Variants in HDAC5 observed in about 807,000 individuals in gnomAD.
The protein encoded by HDAC5 is histone deacetylase 5.
HDAC5 carries 25 observed loss-of-function variants against 133.3 expected under a neutral mutation model. The observed-to-expected ratio is 0.19, with a 90% CI of 0.14 to 0.26. The LOEUF (loss-of-function observed/expected upper bound fraction) is 0.26, where lower values mean the gene tolerates loss of function less well. Ranked by LOEUF, HDAC5 falls within the 10% of genes least tolerant of loss-of-function variation. HDAC5 has a pLI of 1.00. For missense variants in HDAC5, 1,041 were observed against 1,460.5 expected (o/e 0.71, Z 4.68); for synonymous variants, 589 against 610.8 (o/e 0.96, Z 0.53).
At position 44,091,340 on chromosome 17, in the gene HDAC5, G is replaced by C; in HGVS notation, c.1317C>G (p.His439Gln). The C allele has an allele frequency of 6.2e-7, 1 of 1,608,242 alleles. No homozygotes were observed. The highest frequency in any genetic ancestry group is 8.5e-7 in the Non-Finnish European group (1 of 1,177,558). The stretch of plus-strand genomic sequence containing the variant: ...CATGCTGCAGCAGGGAGGCATGCCC[G>C]TGGGGGCTCCCGTCGCCCTCCAGTG... ...GVALEGDGSP[H>Q]GHASLLQHVL... Residue 439 changes from histidine (H) to glutamine (Q), a missense_variant, in exon 11 of 27, where the codon CAC becomes CAG. Transcript: ENST00000682912.
intron 1 of HDAC5, among the ~76,000 whole-genome samples, chr17:44,122,412 T>C (rs1477227926): frequency 1.3e-5 from 2 of 151,820 alleles, no homozygotes; most frequent in Non-Finnish European, 2.9e-5. Flanking sequence ...CCCCTCCCAG[T>C]TGGACACTGA....
chr17:44,123,103 C>T (rs1423286755), intron 1 of HDAC5, among the ~76,000 whole-genome samples: 1 of 152,110 alleles, frequency 6.6e-6, no homozygotes, highest in Non-Finnish European at 1.5e-5. Flanking sequence ...GGGTGTCCAG[C>T]GAAGAGGGGT....
chr17:44,097,770 C>T (rs1404284065), intron 3 of HDAC5, among the ~76,000 whole-genome samples: 5 of 152,266 alleles, frequency 3.3e-5, no homozygotes, highest in Non-Finnish European at 7.3e-5. Context: ...GCACTCCTGG[C>T]TCCCAGCAGA....
At chr17:44,107,385 G>A (rs1043493447) in intron 3 of HDAC5, among the ~76,000 whole-genome samples, 6 of 152,260 alleles carry the variant, frequency 3.9e-5, no homozygotes, top group East Asian at 3.9e-4. Flanking sequence ...TGAGGCAGGC[G>A]GATCACGAGG....
At chr17:44,106,895 C>CCT (rs1418186798) in intron 3 of HDAC5, among the ~76,000 whole-genome samples, 1 of 151,582 alleles carries the variant, frequency 6.6e-6, no homozygotes, top group Non-Finnish European at 1.5e-5. Flanking sequence ...TAGCAATGGT[C>CCT]CTACCCAGAC....
chr17:44,121,024 C>T (rs1171625692), intron 1 of HDAC5, among the ~76,000 whole-genome samples: 1 of 148,232 alleles, frequency 6.7e-6, no homozygotes, highest in Non-Finnish European at 1.5e-5. Flanking sequence ...TTTTTGCAAT[C>T]GGCCCATTTC....
chr17:44,123,334 A>C (rs2053128684), intron 1 of HDAC5, 170 bp downstream of exon 1: 1 of 330,308 alleles, frequency 3.0e-6, no homozygotes, highest in Admixed American at 4.9e-5. Flanking sequence ...CGGGCTGCCG[A>C]TGCTCCCGGG....
Position 44,080,745 on chromosome 17 carries a change from T to C in HDAC5, c.2727+18A>G. The C allele has an allele frequency of 1.2e-6, 2 of 1,614,162 alleles. No individual in the cohort carries two copies. The highest frequency in any genetic ancestry group is 8.5e-7 in the Non-Finnish European group (1 of 1,180,016). On this transcript the variant is annotated intron_variant, in intron 21 of 26. Coordinates refer to ENST00000682912, the MANE Select transcript of HDAC5 (RefSeq NM_005474.5). ...CAGAGGGGCCAGGAGGGTCTGCATTTACGCCCAGGAGCTGTACCTCTTCAG... is the reference window on the plus strand; with the variant it reads ...CAGAGGGGCCAGGAGGGTCTGCATTCACGCCCAGGAGCTGTACCTCTTCAG...
intron 6 of HDAC5, 135 bp downstream of exon 6, chr17:44,092,957 G>T: frequency 1.5e-6 from 1 of 669,720 alleles, no homozygotes; most frequent in Non-Finnish European, 2.6e-6. Context: ...ATAAACCAGG[G>T]ATGGGGGTCC....
In HDAC5 at chr17:44,091,681, G is replaced by GT; in HGVS notation, c.1164+18dup. ...ACCTCAACACCAGAGGGAAGATGGG[G>GT]TATATGCCCTGTACTTACAGTGAGG... is the stretch of plus-strand genomic sequence containing the variant. On this transcript the variant is annotated intron_variant, in intron 10 of 26. Coordinates refer to ENST00000682912, the MANE Select transcript of HDAC5 (RefSeq NM_005474.5). 6.5e-7 allele frequency: 1 copy of GT among 1,536,064 alleles called. No homozygotes were observed. The highest frequency in any genetic ancestry group is 8.8e-7 in the Non-Finnish European group (1 of 1,142,348).
intron 1 of HDAC5, among the ~76,000 whole-genome samples, chr17:44,119,726 G>A (rs749354425): frequency 5.3e-5 from 8 of 152,164 alleles, no homozygotes; most frequent in East Asian, 1.9e-4. Context: ...TGGTCTGATC[G>A]GGACAAGCAC....
At chr17:44,097,112 C>A (rs2051321159) in intron 3 of HDAC5, among the ~76,000 whole-genome samples, 1 of 152,242 alleles carries the variant, frequency 6.6e-6, no homozygotes, top group South Asian at 2.1e-4. Flanking sequence ...TTAGATGGGT[C>A]TGGATCTCTC....
intron 23 of HDAC5, among the ~76,000 whole-genome samples, chr17:44,079,639 CAAAAAAAAAAA>C (rs773678478): frequency 1.5e-5 from 1 of 66,020 alleles, no homozygotes; most frequent in Non-Finnish European, 2.5e-5. Context: ...GACTCCACCT[CAAAAAAAAAAA>C]AAAAAAAAAA....
chr17:44,122,838 G>A (rs985199473), intron 1 of HDAC5, among the ~76,000 whole-genome samples: 1 of 152,138 alleles, frequency 6.6e-6, no homozygotes, highest in African/African-American at 2.4e-5. Flanking sequence ...GAAGGGGTTG[G>A]GGGGGAGCTC....
chr17:44,094,213 C>T (rs182147798), intron 3 of HDAC5, among the ~76,000 whole-genome samples: 103 of 152,100 alleles, frequency 6.8e-4, no homozygotes, highest in Admixed American at 1.2e-3. Context: ...ATCCCAGCCA[C>T]TCAGATGGCT....
rs1006281770 is a variant in HDAC5, at chr17:44,078,537, G to A, written c.3292C>T (p.Gln1098Ter). The A allele has an allele frequency of 6.2e-7, 1 of 1,612,172 alleles. No homozygotes were observed. Residue 1098 changes from glutamine (Q) to a stop codon, truncating the protein, a stop_gained, in exon 26 of 27, where the codon CAG becomes TAG. Transcript: ENST00000682912. LOFTEE classifies it high-confidence loss of function. ...TCCCGGGCTGCCGCAGCCTGGGCCT[G>A]CTCGGCCCCCACCGACAGCAAGGCC... The part of the protein sequence containing the change: ...AMALLSVGAE[Q>*]AQAAAAREHS...
intron 3 of HDAC5, among the ~76,000 whole-genome samples, chr17:44,107,772 C>A (rs544074675): frequency 6.6e-6 from 1 of 152,202 alleles, no homozygotes; most frequent in South Asian, 2.1e-4. Context: ...AGCACGAACA[C>A]GAATATCCAG....
At chr17:44,123,382 G>C (rs369879103) in intron 1 of HDAC5, 122 bp downstream of exon 1, 16 of 339,944 alleles carry the variant, frequency 4.7e-5, no homozygotes, top group Admixed American at 1.9e-4. Flanking sequence ...AGGAAGGAAG[G>C]GGGGCGCGGA....
Position 44,078,319 on chromosome 17 carries a change from A to G in HDAC5, c.*57T>C. 6.7e-7 allele frequency: 1 copy of G among 1,486,684 alleles called. No homozygotes were observed. Among genetic ancestry groups the G allele is most frequent in the Non-Finnish European group, 8.9e-7 (1 of 1,118,276 alleles). The allele number at this position is 1,486,684 out of a possible 1,614,324, so 92.1% of individuals were successfully genotyped here. On this transcript the variant is annotated 3_prime_UTR_variant, in exon 27 of 27. Coordinates refer to ENST00000682912, the MANE Select transcript of HDAC5 (RefSeq NM_005474.5). ...TTGAATGTGTGACTTTTTGTTTTTA[A>G]TAGAAAAAATAAACAAAATCACAAT...
Sources: gnomAD v4.1 joint callset for allele counts (sites outside exome capture counted in the v4.1 genomes callset) on GRCh38, gnomAD v4.1.1 for gene constraint, MANE v1.5 for transcripts, NCBI Gene and HGNC (gene_info 2026-07-23, HGNC 2026-07-21) for gene names.